PDE4D: variants seen among roughly 807,000 people sequenced by gnomAD.
PDE4D encodes the protein phosphodiesterase 4D, also known as 3',5'-cyclic-AMP phosphodiesterase 4D.
In PDE4D, 24 loss-of-function variants were observed where a neutral mutation model predicts 87.4. That is an observed-to-expected ratio of 0.27 (90% CI 0.20 to 0.39). The LOEUF (loss-of-function observed/expected upper bound fraction) is 0.39, where lower values mean the gene tolerates loss of function less well. PDE4D is among the 10% of genes least tolerant of loss of function. The pLI is 1.00. For synonymous variants in PDE4D, 384 were observed against 383.2 expected (o/e 1.00, Z -0.02); for missense variants, 714 against 1,041.0 (o/e 0.69, Z 4.32).
chr5:60,109,530 T>G (rs1485754588), intron 2 of PDE4D, among the ~76,000 whole-genome samples: 1 of 151,542 alleles, frequency 6.6e-6, no homozygotes, highest in Non-Finnish European at 1.5e-5. Context: ...CAAAGGACTA[T>G]AAATCATGCT....
intron 1 of PDE4D, among the ~76,000 whole-genome samples, chr5:59,466,658 T>C (rs932846911): frequency 6.6e-6 from 1 of 152,242 alleles, no homozygotes; most frequent in Non-Finnish European, 1.5e-5. Context: ...CCTGTTATGC[T>C]ACTTTTTCCA....
chr5:59,290,535 A>G (rs1475923724), intron 1 of PDE4D, among the ~76,000 whole-genome samples: 1 of 152,074 alleles, frequency 6.6e-6, no homozygotes, highest in East Asian at 1.9e-4. Context: ...CTTAAGTAAT[A>G]CCCTACAAGC....
At position 59,124,418 on chromosome 5, in the gene PDE4D, C is replaced by T. The variant is rs79011649; in HGVS notation, c.808+56177G>A. On this transcript the variant is annotated intron_variant, in intron 5 of 14. Transcript: ENST00000340635. ...CTCCTCCAGCTGCAGCTCCACTCCT[C>T]ATTTATCTTAGCCCAGGCTGACTCT... is the stretch of plus-strand genomic sequence containing the variant. Among the ~76,000 whole-genome samples the T allele has an allele frequency of 5.5e-3, 832 of 152,322 alleles. 2 individuals are homozygous for T. Among genetic ancestry groups the T allele is most frequent in the African/African-American group, 0.019 (778 of 41,570 alleles).
chr5:60,516,927 G>A (rs1750825062), intron 1 of PDE4D, among the ~76,000 whole-genome samples: 1 of 152,088 alleles, frequency 6.6e-6, no homozygotes, highest in Admixed American at 6.5e-5. Flanking sequence ...GAGTGTGAGG[G>A]GTGGGAGTCC....
chr5:60,167,125 TCAAA>T (rs1782978920), intron 2 of PDE4D, among the ~76,000 whole-genome samples: 1 of 152,176 alleles, frequency 6.6e-6, no homozygotes, highest in African/African-American at 2.4e-5. Context: ...TTTTATTTCT[TCAAA>T]CAAACTTTCT....
chr5:59,749,793 T>C (rs1760160137), intron 1 of PDE4D, among the ~76,000 whole-genome samples: 1 of 152,132 alleles, frequency 6.6e-6, no homozygotes, highest in Non-Finnish European at 1.5e-5. Context: ...CAAGTGCTAA[T>C]CTGTGCTCCA....
intron 2 of PDE4D, among the ~76,000 whole-genome samples, chr5:60,086,168 G>T (rs1277713035): frequency 6.6e-6 from 1 of 152,054 alleles, no homozygotes; most frequent in Non-Finnish European, 1.5e-5. Flanking sequence ...TTTATGTTAA[G>T]AAAGTCTTAA....
chr5:59,094,940 T>G (rs1456697725), intron 5 of PDE4D, among the ~76,000 whole-genome samples: 1 of 152,002 alleles, frequency 6.6e-6, no homozygotes, highest in Non-Finnish European at 1.5e-5. Flanking sequence ...CTAACACCAT[T>G]GAATCCGGGA....
intron 1 of PDE4D, among the ~76,000 whole-genome samples, chr5:59,549,326 A>C (rs1304726825): frequency 6.6e-6 from 1 of 152,196 alleles, no homozygotes; most frequent in Non-Finnish European, 1.5e-5. Flanking sequence ...ACAACAAGGT[A>C]CTAAATAACC....
chr5:59,423,720 A>G (rs7716631), intron 1 of PDE4D, among the ~76,000 whole-genome samples: 2,628 of 152,234 alleles, frequency 0.017, 76 homozygotes, highest in African/African-American at 0.061. Context: ...GTAGTTATTT[A>G]TACCTAAAAT....
chr5:59,059,885 TC>T (rs1335029694), intron 5 of PDE4D, among the ~76,000 whole-genome samples: 2 of 152,106 alleles, frequency 1.3e-5, no homozygotes, highest in African/African-American at 4.8e-5. Flanking sequence ...CTGCTAAATG[TC>T]CCCTAATATT....
intron 1 of PDE4D, among the ~76,000 whole-genome samples, chr5:60,344,025 T>C (rs1370545299): frequency 6.6e-6 from 1 of 151,554 alleles, no homozygotes; most frequent in Non-Finnish European, 1.5e-5. Flanking sequence ...AAATTGGGAG[T>C]AGTTTGTCCA....
intron 1 of PDE4D, among the ~76,000 whole-genome samples, chr5:59,358,804 T>C (rs1482554813): frequency 6.6e-6 from 1 of 152,066 alleles, no homozygotes. Context: ...GATGGACTTT[T>C]TTCACCCTCC....
rs554027564 is a variant in PDE4D, at chr5:60,416,472, C to G, written c.-90+71470G>C. Among the ~76,000 whole-genome samples the G allele has an allele frequency of 2.0e-5, 3 of 152,220 alleles. No homozygotes were observed. In the East Asian group the frequency reaches 5.8e-4, roughly 29 times the overall value. The stretch of plus-strand genomic sequence containing the variant: ...GCTTCACTCCGGAAGCCAGCGAGAC[C>G]ACAAACCCACTGGGAGGAACGAACA... On this transcript the variant is annotated intron_variant, in intron 1 of 16. Coordinates refer to the PDE4D transcript ENST00000502484.
chr5:60,268,163 T>C lies in PDE4D; in HGVS notation c.-89-82476A>G, dbSNP rs186279570. On this transcript the variant is annotated intron_variant, in intron 1 of 16. Coordinates refer to the PDE4D transcript ENST00000502484. Reference sequence around the variant, plus strand: ...TGTTACCACCATAGTCAAGGTCATATAAGGAAAACTGCCAGATGATGGAAG... The same window carrying C: ...TGTTACCACCATAGTCAAGGTCATACAAGGAAAACTGCCAGATGATGGAAG... Among the ~76,000 whole-genome samples, 3 of 152,154 alleles carry C rather than the reference T, an allele frequency of 2.0e-5. No individual in the cohort carries two copies. In the East Asian group the frequency reaches 5.8e-4, roughly 29 times the overall value.
At chr5:59,155,450 C>G (rs1368833545) in intron 5 of PDE4D, among the ~76,000 whole-genome samples, 1 of 152,056 alleles carries the variant, frequency 6.6e-6, no homozygotes, top group East Asian at 1.9e-4. Flanking sequence ...CATTGGCAAC[C>G]AAGGGAGGGC....
rs1391059061 is a variant in PDE4D at position 60,104,798 on chromosome 5, G to C, written c.42+80759C>G. On this transcript the variant is annotated intron_variant, in intron 2 of 16. Transcript: ENST00000502484. ...CAAACTCCAACAGACCTGCAGCTGA[G>C]GGTCCTGTCTCTTAGAAGGAAAACT... 1.3e-5 allele frequency among the ~76,000 whole-genome samples: 2 copies of C among 152,190 alleles called. 1 individual carries two copies. Among genetic ancestry groups the C allele is most frequent in the African/African-American group, 4.8e-5 (2 of 41,422 alleles).
At chr5:59,401,242 C>T (rs182198522) in intron 1 of PDE4D, among the ~76,000 whole-genome samples, 1 of 152,244 alleles carries the variant, frequency 6.6e-6, no homozygotes, top group African/African-American at 2.4e-5. Context: ...AAGAGGAGTT[C>T]AAGACCAGCC....
chr5:59,038,744 T>A (rs1288034586), intron 6 of PDE4D, 115 bp downstream of exon 6: 4 of 981,982 alleles, frequency 4.1e-6, no homozygotes, highest in Non-Finnish European at 5.7e-6. Context: ...ATAGCCAACA[T>A]GCAGTAAGCC....
Sources: allele counts gnomAD v4.1 joint callset (sites outside exome capture counted in the v4.1 genomes callset), GRCh38; gene constraint gnomAD v4.1.1; transcripts MANE v1.5; gene names NCBI Gene and HGNC (gene_info 2026-07-23, HGNC 2026-07-21).